Variants in SRFBP1 observed in about 807,000 individuals in gnomAD.
SRFBP1 encodes the protein serum response factor binding protein 1.
In SRFBP1, 47 loss-of-function variants were observed where a neutral mutation model predicts 45.5. The ratio of observed to expected loss-of-function variants is 1.03; its 90% CI spans 0.82 to 1.32. SRFBP1 has a LOEUF of 1.32. SRFBP1 is among the 40% of genes most tolerant of loss of function. SRFBP1 has a pLI of 0.00. For missense variants in SRFBP1, 621 were observed against 484.6 expected (o/e 1.28, Z -2.64); for synonymous variants, 203 against 166.3 (o/e 1.22, Z -1.70).
downstream of SRFBP1, chr5:122,076,005 T>C (rs1754617352): frequency 6.6e-6 from 1 of 152,326 alleles, no homozygotes; most frequent in African/African-American, 2.4e-5. Context: ...GAAATAACTC[T>C]AAAAGAGCAT....
At chr5:122,077,909 G>A, downstream of SRFBP1, 1 of 1,515,590 alleles carries the variant, frequency 6.6e-7, no homozygotes, top group Admixed American at 2.4e-5. The surrounding 1 kb of genome is among the most constrained non-coding windows in gnomAD (Gnocchi z 4.9). Context: ...CTGTTGGCCG[G>A]CGGCGGGAGG....
At chr5:122,074,252 T>C in intron 2 of SRFBP1, 1 of 1,201,986 alleles carries the variant, frequency 8.3e-7, no homozygotes, top group Non-Finnish European at 1.2e-6. Context: ...CCCCCATGGC[T>C]TCACAAATTT....
At chr5:122,075,392 C>T in exon 3 of SRFBP1, 3 of 1,595,880 alleles carry the variant, frequency 1.9e-6, no homozygotes, top group Non-Finnish European at 2.6e-6. Flanking sequence ...CCCAGGAGGC[C>T]CATTTACTTA....
rs181151840 is a variant in SRFBP1 at position 121,962,074 on chromosome 5, C to T, written c.36+6C>T. 4.6e-4 allele frequency: 737 copies of T among 1,613,966 alleles called. 4 individuals are homozygous for T. The African/African-American group carries it at 8.7e-3, about 19-fold the overall frequency. ...CTCTGAACCTCAATAACGAGGTGAG[C>T]GCCGAGGAACCTATGGGGCTGACTT... On this transcript the variant is annotated splice_donor_region_variant and intron_variant, in intron 1 of 7. Coordinates refer to ENST00000339397, the MANE Select transcript of SRFBP1 (RefSeq NM_152546.3).
chr5:122,017,857 A>G (rs904947750), intron 4 of SRFBP1, among the ~76,000 whole-genome samples: 2 of 152,236 alleles, frequency 1.3e-5, no homozygotes, highest in Non-Finnish European at 2.9e-5. Context: ...TTTTACTTTC[A>G]CACACTAGTG....
intron 6 of SRFBP1, among the ~76,000 whole-genome samples, chr5:122,021,819 G>A (rs906371503): frequency 6.6e-6 from 1 of 151,300 alleles, no homozygotes; most frequent in African/African-American, 2.4e-5. Context: ...TGGGATTATA[G>A]GCGCATGCCA....
chr5:122,037,765 A>T (rs1372187857), intron 2 of SRFBP1, among the ~76,000 whole-genome samples: 1 of 151,244 alleles, frequency 6.6e-6, no homozygotes, highest in African/African-American at 2.4e-5. Context: ...TGTTCCTTCC[A>T]CCTTGATTTC....
chr5:122,044,558 T>G (rs1353308346), intron 2 of SRFBP1, among the ~76,000 whole-genome samples: 2 of 152,196 alleles, frequency 1.3e-5, no homozygotes, highest in East Asian at 1.9e-4. Flanking sequence ...CTCACTGGTG[T>G]GAGATGGTAT....
chr5:122,057,390 A>G (rs928304420), intron 2 of SRFBP1, among the ~76,000 whole-genome samples: 2 of 152,134 alleles, frequency 1.3e-5, no homozygotes, highest in Non-Finnish European at 2.9e-5. Flanking sequence ...AATGAAGCTC[A>G]TTAATGAGAG....
downstream of SRFBP1, chr5:122,077,672 C>T: frequency 6.2e-7 from 1 of 1,603,670 alleles, no homozygotes; most frequent in African/African-American, 1.3e-5. The surrounding 1 kb of genome is among the most constrained non-coding windows in gnomAD (Gnocchi z 4.9). Flanking sequence ...GCCGGCCGTC[C>T]GCGTTCGCGC....
At chr5:122,010,498 A>C (rs1753069689) in intron 4 of SRFBP1, among the ~76,000 whole-genome samples, 1 of 152,144 alleles carries the variant, frequency 6.6e-6, no homozygotes, top group Admixed American at 6.6e-5. Context: ...GAAATAGAGC[A>C]GTGATTATGT....
chr5:122,051,962 G>A (rs2152577906), intron 2 of SRFBP1, among the ~76,000 whole-genome samples: 1 of 152,156 alleles, frequency 6.6e-6, no homozygotes. Context: ...AATTCCCTCA[G>A]CATTTGGTTG....
At chr5:122,017,376 T>G (rs932653598) in intron 4 of SRFBP1, among the ~76,000 whole-genome samples, 2 of 152,234 alleles carry the variant, frequency 1.3e-5, no homozygotes, top group African/African-American at 4.8e-5. Context: ...GATGCCAGGA[T>G]AACTCCAATC....
intron 3 of SRFBP1, among the ~76,000 whole-genome samples, chr5:121,991,775 A>C (rs1046730865): frequency 6.6e-6 from 1 of 152,124 alleles, no homozygotes; most frequent in African/African-American, 2.4e-5. Context: ...TGCTAAACAC[A>C]ATTTTTACAT....
At position 121,964,119 on chromosome 5, in the gene SRFBP1, C is replaced by A. The variant is rs375513263; in HGVS notation, c.36+2051C>A. On this transcript the variant is annotated intron_variant, in intron 1 of 7. Transcript: ENST00000339397. The stretch of plus-strand genomic sequence containing the variant: ...GCTTTCAATCTTTTCAATTCTTTTC[C>A]ATCACCACTAGAATCCTAGTACAGC... 5.3e-5 allele frequency among the ~76,000 whole-genome samples: 8 copies of A among 152,110 alleles called. 1 individual carries two copies. Among genetic ancestry groups the A allele is most frequent in the African/African-American group, 1.9e-4 (8 of 41,520 alleles).
chr5:122,076,376 G>C (rs577308938), downstream of SRFBP1, among the ~76,000 whole-genome samples: 34 of 152,272 alleles, frequency 2.2e-4, no homozygotes, highest in South Asian at 6.2e-3. Context: ...TAGAATAGTG[G>C]AAAAACAAAG....
intron 2 of SRFBP1, among the ~76,000 whole-genome samples, chr5:122,052,036 G>A (rs1019751789): frequency 5.3e-5 from 8 of 152,162 alleles, no homozygotes; most frequent in Admixed American, 5.2e-4. Context: ...TGAAATTTTT[G>A]GTTGGAAATT....
At chr5:122,077,808 G>A, downstream of SRFBP1, 8 of 1,550,360 alleles carry the variant, frequency 5.2e-6, no homozygotes, top group Non-Finnish European at 6.1e-6. This position sits in a 1 kb window ranked among gnomAD's most constrained non-coding sequence, Gnocchi z 4.9. Flanking sequence ...TGTGAGCCCA[G>A]GCTCAGCAAG....
At chr5:122,024,484 C>T (rs1753427105) in intron 7 of SRFBP1, among the ~76,000 whole-genome samples, 1 of 152,094 alleles carries the variant, frequency 6.6e-6, no homozygotes, top group Non-Finnish European at 1.5e-5. Context: ...TGTCTTGTGC[C>T]TCTTGCCTCC....
Sources: allele counts gnomAD v4.1 joint callset (sites outside exome capture counted in the v4.1 genomes callset), GRCh38; gene constraint gnomAD v4.1.1; non-coding constraint Gnocchi (gnomAD v3.1); transcripts MANE v1.5; gene names NCBI Gene and HGNC (gene_info 2026-07-23, HGNC 2026-07-21).